USP25: variants seen among roughly 807,000 people sequenced by gnomAD.
USP25 encodes the protein ubiquitin carboxyl-terminal hydrolase 25.
A neutral mutation model predicts 158.5 loss-of-function variants in USP25; 85 were observed. The observed-to-expected ratio is 0.54, with a 90% CI of 0.45 to 0.64. The LOEUF is 0.64. USP25 is among the 30% of genes least tolerant of loss of function. The pLI, the probability that USP25 is intolerant of heterozygous loss-of-function variation, is 0.00. For synonymous variants in USP25, 464 were observed against 460.4 expected (o/e 1.01, Z -0.10); for missense variants, 1,242 against 1,327.3 (o/e 0.94, Z 1.00).
intron 5 of USP25, among the ~76,000 whole-genome samples, chr21:15,799,121 G>T (rs944330835): frequency 1.3e-5 from 2 of 151,114 alleles, no homozygotes; most frequent in Non-Finnish European, 3.0e-5. Context: ...TCATTTTAAA[G>T]AAATGTTCAG....
At chr21:15,863,050 C>G (rs2039501492) in intron 20 of USP25, among the ~76,000 whole-genome samples, 1 of 151,676 alleles carries the variant, frequency 6.6e-6, no homozygotes, top group Non-Finnish European at 1.5e-5. Context: ...GCCTGAAGCC[C>G]AAAATGTTTA....
At chr21:15,857,041 T>C (rs955129339) in intron 20 of USP25, among the ~76,000 whole-genome samples, 10 of 152,230 alleles carry the variant, frequency 6.6e-5, no homozygotes, top group Non-Finnish European at 1.5e-4. Context: ...AACTGTCTCC[T>C]ACTAGCTGTT....
chr21:15,807,139 C>T (rs897892838), intron 7 of USP25, among the ~76,000 whole-genome samples: 1 of 152,022 alleles, frequency 6.6e-6, no homozygotes, highest in Non-Finnish European at 1.5e-5. Flanking sequence ...TGTTGCCAAG[C>T]CTGGTCTCGA....
chr21:15,826,163 T>C lies in USP25; in HGVS notation c.1305-41T>C. ...TAATAATAAAGGCCCAAATATGCTG[T>C]ATATAGAAATAAAAGCATTTGTACA... On this transcript the variant is annotated intron_variant, in intron 12 of 25. Coordinates refer to ENST00000400183, the MANE Select transcript of USP25 (RefSeq NM_001283041.3). The surrounding 1 kb of genome is among the most constrained non-coding windows in gnomAD (Gnocchi z 4.8). The C allele has an allele frequency of 1.2e-6, 2 of 1,601,594 alleles. No homozygotes were observed. Among genetic ancestry groups the C allele is most frequent in the Non-Finnish European group, 1.7e-6 (2 of 1,171,132 alleles).
At chr21:15,794,853 A>G (rs986337053) in intron 5 of USP25, among the ~76,000 whole-genome samples, 2 of 151,562 alleles carry the variant, frequency 1.3e-5, no homozygotes, top group Non-Finnish European at 3.0e-5. Flanking sequence ...ATAGCCCATC[A>G]AGTAATTATT....
rs575113024 is a variant in USP25 at position 15,775,694 on chromosome 21, A to G, written c.269-2210A>G. 2.0e-5 allele frequency among the ~76,000 whole-genome samples: 3 copies of G among 149,500 alleles called. 1 individual carries two copies. Among genetic ancestry groups the G allele is most frequent in the South Asian group, 4.3e-4 (2 of 4,704 alleles). The stretch of plus-strand genomic sequence containing the variant: ...CTGTGGAACAACTTAAATCTTTTCA[A>G]TCAAGCTAGAGAAAACAGCCAAAGG... On this transcript the variant is annotated intron_variant, in intron 3 of 25. Transcript: ENST00000400183.
intron 10 of USP25, among the ~76,000 whole-genome samples, chr21:15,822,316 A>G (rs1437044120): frequency 6.6e-6 from 1 of 151,900 alleles, no homozygotes; most frequent in East Asian, 1.9e-4. Context: ...AAATCCTTCC[A>G]CTCTTGTAGT....
In USP25 at chr21:15,864,251, T is replaced by G; in HGVS notation, c.2548-17T>G. ...CAAATAATTAACCAAAATTATCATT[T>G]TCATTGCATTTTCCAGGCAATTAAG... On this transcript the variant is annotated splice_polypyrimidine_tract_variant and intron_variant, in intron 20 of 25. Coordinates refer to ENST00000400183, the MANE Select transcript of USP25 (RefSeq NM_001283041.3). 1 of 1,590,216 alleles carries G rather than the reference T, an allele frequency of 6.3e-7. No homozygotes were observed. The highest frequency in any genetic ancestry group is 8.5e-7 in the Non-Finnish European group (1 of 1,173,838).
In USP25 at chr21:15,847,776, G is replaced by A. The variant is rs529106921; in HGVS notation, c.2451G>A (p.Glu817=). ...IESKEGGYDD[E]IMMTPNMQGI... ...CAAAGGAGGGGGGGTATGATGACGA[G>A]GTACCTTTTACAGCCCTCTGCACCA... Residue 817 remains glutamate (E), a splice_region_variant and synonymous_variant, in exon 19 of 26, where the codon GAG becomes GAA. Coordinates refer to ENST00000400183, the MANE Select transcript of USP25 (RefSeq NM_001283041.3). 7.3e-5 allele frequency: 112 copies of A among 1,544,348 alleles called. No individual in the cohort carries two copies. In the African/African-American group the frequency reaches 1.5e-3, roughly 20 times the overall value.
intron 9 of USP25, among the ~76,000 whole-genome samples, chr21:15,817,597 C>T (rs1048391010): frequency 6.6e-6 from 1 of 152,164 alleles, no homozygotes; most frequent in South Asian, 2.1e-4. Flanking sequence ...CACAGTTTTA[C>T]ATGGCTGGGG....
At chr21:15,861,761 TAAG>T (rs146129778) in intron 20 of USP25, among the ~76,000 whole-genome samples, 1,798 of 152,282 alleles carry the variant, frequency 0.012, 11 homozygotes, top group Non-Finnish European at 0.018. Flanking sequence ...GGTAATTTCT[TAAG>T]AAGGAAGTGT....
chr21:15,848,094 G>T (rs1170003993), intron 19 of USP25, among the ~76,000 whole-genome samples: 1 of 152,044 alleles, frequency 6.6e-6, no homozygotes, highest in Non-Finnish European at 1.5e-5. Context: ...AAAATTTTTT[G>T]CATTTAAAAA....
Position 15,863,731 on chromosome 21 carries a change from T to A in USP25, c.2548-537T>A, listed in dbSNP as rs112775595. On this transcript the variant is annotated intron_variant, in intron 20 of 25. Transcript: ENST00000400183. ...GGAAGCAAAAAGAACGTTTATATAG[T>A]GAAGGGATAAAGAAGGGCCTTTGTG... Among the ~76,000 whole-genome samples, 1,349 of 152,258 alleles carry A rather than the reference T, an allele frequency of 8.9e-3. 12 individuals are homozygous for A. The highest frequency in any genetic ancestry group is 0.031 in the African/African-American group (1,308 of 41,552).
intron 5 of USP25, among the ~76,000 whole-genome samples, chr21:15,794,837 A>G (rs1238566852): frequency 6.6e-6 from 1 of 151,564 alleles, no homozygotes; most frequent in Non-Finnish European, 1.5e-5. Context: ...GGTCTGGCAC[A>G]TTGGAATAGC....
At chr21:15,761,090 A>G (rs939634141) in intron 1 of USP25, among the ~76,000 whole-genome samples, 2 of 152,172 alleles carry the variant, frequency 1.3e-5, no homozygotes, top group East Asian at 3.8e-4. Flanking sequence ...TATTTTTCAC[A>G]GTGTCCTTCA....
chr21:15,826,502 A>G lies in USP25; in HGVS notation c.1466+137A>G. The G allele has an allele frequency of 2.0e-6, 2 of 976,240 alleles. No individual in the cohort carries two copies. The highest frequency in any genetic ancestry group is 3.0e-6 in the Non-Finnish European group (2 of 667,786). The allele number at this position is 976,240 out of a possible 1,614,324, so 60.5% of individuals were successfully genotyped here. Reference sequence around the variant, plus strand: ...AACTCCTAAGAGTAGATTCACTTAGAAGACTGTATGTCCTCTGGGAGTTTT... The same window carrying G: ...AACTCCTAAGAGTAGATTCACTTAGGAGACTGTATGTCCTCTGGGAGTTTT... On this transcript the variant is annotated intron_variant, in intron 13 of 25. Transcript: ENST00000400183. The surrounding 1 kb of genome is among the most constrained non-coding windows in gnomAD (Gnocchi z 4.8).
In USP25 at chr21:15,766,087, A is replaced by C. The variant is rs1415476136; in HGVS notation, c.214A>C (p.Thr72Pro). 6.2e-7 allele frequency: 1 copy of C among 1,610,856 alleles called. No homozygotes were observed. Among genetic ancestry groups the C allele is most frequent in the Admixed American group, 1.7e-5 (1 of 59,830 alleles). ...GCAGGAGGAGACAACTTACTACCAA[A>C]CAGCACTTCCTGGCAATGATAGATA... is the stretch of plus-strand genomic sequence containing the variant. Reference protein sequence around the residue: ...PQQEETTYYQTALPGNDRYIS... With the variant: ...PQQEETTYYQPALPGNDRYIS... Residue 72 changes from threonine to proline, a missense_variant, in exon 3 of 26, where the codon ACA becomes CCA. Coordinates refer to ENST00000400183, the MANE Select transcript of USP25 (RefSeq NM_001283041.3). This position sits in a 1 kb window ranked among gnomAD's most constrained non-coding sequence, Gnocchi z 4.0.
rs73183707 is a variant in USP25 at position 15,766,742 on chromosome 21, C to T, written c.268+601C>T. ...ATATGAATACTTTATACTTATGTAGCGCACAGTTTTTCAAACTATGTTCAG... is the reference window on the plus strand; with the variant it reads ...ATATGAATACTTTATACTTATGTAGTGCACAGTTTTTCAAACTATGTTCAG... On this transcript the variant is annotated intron_variant, in intron 3 of 25. Coordinates refer to ENST00000400183, the MANE Select transcript of USP25 (RefSeq NM_001283041.3). The surrounding 1 kb of genome is among the most constrained non-coding windows in gnomAD (Gnocchi z 4.0). Among the ~76,000 whole-genome samples the T allele has an allele frequency of 0.011, 1,632 of 152,054 alleles. 14 individuals carry two copies. The highest frequency in any genetic ancestry group is 0.016 in the Non-Finnish European group (1,061 of 67,938).
intron 9 of USP25, among the ~76,000 whole-genome samples, chr21:15,817,555 G>C (rs2037004395): frequency 6.6e-6 from 1 of 152,108 alleles, no homozygotes; most frequent in African/African-American, 2.4e-5. Flanking sequence ...CCGAGACCGG[G>C]CAATTTGCAA....
Sources: allele counts gnomAD v4.1 joint callset (sites outside exome capture counted in the v4.1 genomes callset), GRCh38; gene constraint gnomAD v4.1.1; non-coding constraint Gnocchi (gnomAD v3.1); transcripts MANE v1.5; gene names NCBI Gene and HGNC (gene_info 2026-07-23, HGNC 2026-07-21).